The following COL25A1 variants were observed in gnomAD, a reference collection of about 807,000 sequenced individuals.
COL25A1 encodes collagen type XXV alpha 1 chain, also known as collagen alpha-1(XXV) chain.
Under a neutral mutation model 128.4 loss-of-function variants are expected in COL25A1, and 103 were observed. The observed-to-expected ratio is 0.80, with a 90% CI of 0.68 to 0.94. The LOEUF (loss-of-function observed/expected upper bound fraction) is 0.94. COL25A1 is among the 40% of genes least tolerant of loss of function. COL25A1 has a pLI of 0.00. For synonymous variants in COL25A1, 279 were observed against 277.2 expected (o/e 1.01, Z -0.06); for missense variants, 745 against 840.0 (o/e 0.89, Z 1.40).
intron 11 of COL25A1, among the ~76,000 whole-genome samples, chr4:108,937,064 T>C (rs977772928): frequency 1.3e-5 from 2 of 152,104 alleles, no homozygotes; most frequent in African/African-American, 4.8e-5. Context: ...ATTCCTTCAG[T>C]ATCCAGGATG....
intron 8 of COL25A1, among the ~76,000 whole-genome samples, chr4:108,958,098 C>T (rs1168688435): frequency 2.0e-5 from 3 of 151,858 alleles, no homozygotes; most frequent in Non-Finnish European, 2.9e-5. Context: ...ATATTTATTG[C>T]ACTCAGATAA....
chr4:109,157,261 A>T (rs1772121700), intron 3 of COL25A1, among the ~76,000 whole-genome samples: 1 of 152,228 alleles, frequency 6.6e-6, no homozygotes, highest in Admixed American at 6.5e-5. Flanking sequence ...TGTGATCTTT[A>T]AAATCTCGTA....
intron 3 of COL25A1, among the ~76,000 whole-genome samples, chr4:109,300,144 A>G (rs1374217376): frequency 6.6e-6 from 1 of 150,956 alleles, no homozygotes; most frequent in Non-Finnish European, 1.5e-5. Context: ...AAGGTGGTTT[A>G]CTAACATAAA....
chr4:108,832,566 A>G (rs1733262947), intron 31 of COL25A1, 133 bp from the exon 32 acceptor site: 2 of 600,266 alleles, frequency 3.3e-6, no homozygotes, highest in Non-Finnish European at 5.9e-6. Context: ...AAAGTGCTTT[A>G]TGCTTGATTA....
chr4:108,922,381 C>T (rs996265224), intron 11 of COL25A1, among the ~76,000 whole-genome samples: 1 of 151,990 alleles, frequency 6.6e-6, no homozygotes, highest in Non-Finnish European at 1.5e-5. Flanking sequence ...ACAAGGGGTA[C>T]ATTGATTCAG....
intron 3 of COL25A1, among the ~76,000 whole-genome samples, chr4:109,175,657 G>T (rs1233070032): frequency 6.6e-6 from 1 of 152,020 alleles, no homozygotes; most frequent in Non-Finnish European, 1.5e-5. Flanking sequence ...TAATTTTTAG[G>T]AATAGTTTTA....
chr4:108,861,066 A>T, intron 22 of COL25A1, 95 bp from the exon 23 acceptor site: 2 of 999,654 alleles, frequency 2.0e-6, no homozygotes, highest in South Asian at 2.7e-5. Context: ...AAGCACCTTT[A>T]ATATGAACTT....
At position 108,918,164 on chromosome 4, in the gene COL25A1, G is replaced by A. The variant is rs1247126567; in HGVS notation, c.780+8C>T. On this transcript the variant is annotated splice_region_variant and intron_variant, in intron 13 of 37. Transcript: ENST00000399132. ...TATTTTTAAAATACAATATTCTATA[G>A]AACTCACCTTTTGCCCATTCATCCC... 5 of 1,573,038 alleles carry A rather than the reference G, an allele frequency of 3.2e-6. No homozygotes were observed. Among genetic ancestry groups the A allele is most frequent in the Non-Finnish European group, 4.3e-6 (5 of 1,149,426 alleles).
intron 3 of COL25A1, among the ~76,000 whole-genome samples, chr4:109,060,450 T>C (rs1469247543): frequency 6.6e-6 from 1 of 152,144 alleles, no homozygotes; most frequent in Non-Finnish European, 1.5e-5. Flanking sequence ...CATAGCGTAA[T>C]GATAATGGAC....
intron 5 of COL25A1, among the ~76,000 whole-genome samples, chr4:109,012,503 G>A (rs114994828): frequency 0.011 from 1,645 of 152,294 alleles, 31 homozygotes; most frequent in African/African-American, 0.037. Context: ...CTTGGGCTGC[G>A]TGCAGCGCTC....
Position 108,984,451 on chromosome 4 carries a change from T to C in COL25A1, c.439-9892A>G, listed in dbSNP as rs576810509. On this transcript the variant is annotated intron_variant, in intron 6 of 37. Transcript: ENST00000399132. ...CGCCCTAGAGCGGGGGCGGCGCTCA[T>C]TGGGGAGGCTCCCGCCGCACAGGAG... Among the ~76,000 whole-genome samples, 1,114 of 151,932 alleles carry C rather than the reference T, an allele frequency of 7.3e-3. 8 individuals are homozygous for C. The highest frequency in any genetic ancestry group is 0.01 in the Non-Finnish European group (696 of 67,990).
chr4:109,210,613 A>G (rs1280614657), intron 3 of COL25A1, among the ~76,000 whole-genome samples: 1 of 152,164 alleles, frequency 6.6e-6, no homozygotes, highest in East Asian at 1.9e-4. Context: ...AAAATCATAC[A>G]ATCGTGACCT....
rs374349920 is a variant in COL25A1 at position 108,819,264 on chromosome 4, G to A, written c.1911C>T (p.Ala637=). The part of the protein sequence containing the change: ...PGQPGLDGLD[A]PCQLGPDGLP... ...AGAAATACTGTACCAATTGGCAAGG[G>A]GCATCCAGCCCATCCAGGCCAGGCT... The change falls in exon 36 of 38, where the codon GCC becomes GCT. Residue 637 remains alanine, a synonymous_variant. Transcript: ENST00000399132. The A allele has an allele frequency of 1.9e-5, 30 of 1,609,576 alleles. No individual in the cohort carries two copies. The African/African-American group carries it at 2.5e-4, about 14-fold the overall frequency.
intron 13 of COL25A1, among the ~76,000 whole-genome samples, chr4:108,903,036 A>C (rs1456423538): frequency 6.6e-6 from 1 of 151,936 alleles, no homozygotes; most frequent in Non-Finnish European, 1.5e-5. Flanking sequence ...ACTTTCAAAG[A>C]ATAACCATGG....
At chr4:109,200,391 T>G (rs1401279079) in intron 3 of COL25A1, among the ~76,000 whole-genome samples, 1 of 152,256 alleles carries the variant, frequency 6.6e-6, no homozygotes, top group East Asian at 1.9e-4. Context: ...AATCCATGGC[T>G]CTTTGCTTTT....
chr4:109,060,305 C>A (rs550869575), intron 3 of COL25A1, among the ~76,000 whole-genome samples: 18 of 152,160 alleles, frequency 1.2e-4, no homozygotes, highest in African/African-American at 3.6e-4. Context: ...GAAAGAGCAA[C>A]CTCTAATCCT....
intron 3 of COL25A1, among the ~76,000 whole-genome samples, chr4:109,247,281 G>C (rs1780332480): frequency 6.6e-6 from 1 of 152,104 alleles, no homozygotes; most frequent in Middle Eastern, 3.4e-3. Context: ...ACCCAGGAGG[G>C]GGAGTTTGCA....
intron 6 of COL25A1, among the ~76,000 whole-genome samples, chr4:109,001,390 T>TCAGGTAGGCATCTGAGATCCTGG (rs1755369852): frequency 1.3e-5 from 2 of 152,168 alleles, no homozygotes; most frequent in Admixed American, 6.5e-5. Context: ...TGAGATCCTG[T>TCAGGTAGGCATCTGAGATCCTGG]CAGGTAGGCA....
At chr4:109,120,822 A>AAC (rs1768043597) in intron 3 of COL25A1, among the ~76,000 whole-genome samples, 1 of 151,616 alleles carries the variant, frequency 6.6e-6, no homozygotes, top group African/African-American at 2.4e-5. Context: ...AAAGAAAAAA[A>AAC]AAAAAATTCA....
Sources: allele counts gnomAD v4.1 joint callset (sites outside exome capture counted in the v4.1 genomes callset), GRCh38; gene constraint gnomAD v4.1.1; transcripts MANE v1.5; gene names NCBI Gene and HGNC (gene_info 2026-07-23, HGNC 2026-07-21).